The following AFG2A variants were observed in gnomAD, a reference collection of about 807,000 sequenced individuals.
AFG2A encodes the protein AAA ATPase AFG2A.
chr4:123,242,838 G>A, the AFG2A span, among the ~76,000 whole-genome samples: 3 of 152,026 alleles, frequency 2.0e-5, no homozygotes, highest in Admixed American at 6.6e-5. Flanking sequence ...GAAAATTTTT[G>A]CAATCTACCC....
At chr4:123,080,375 G>C in the AFG2A span, among the ~76,000 whole-genome samples, 1 of 152,168 alleles carries the variant, frequency 6.6e-6, no homozygotes, top group Non-Finnish European at 1.5e-5. Context: ...GCCCATTCTG[G>C]CATGCTGACC....
the AFG2A span, among the ~76,000 whole-genome samples, chr4:123,255,466 G>A: frequency 2.7e-5 from 4 of 150,246 alleles, no homozygotes; most frequent in African/African-American, 9.7e-5. Flanking sequence ...CTGCACTCCA[G>A]CCTGGGTGGC....
the AFG2A span, among the ~76,000 whole-genome samples, chr4:123,224,817 A>C: frequency 6.6e-6 from 1 of 152,340 alleles, no homozygotes; most frequent in African/African-American, 2.4e-5. Flanking sequence ...ACTAGTTTAC[A>C]GTCCCACCAA....
chr4:122,928,211 A>G, the AFG2A span, among the ~76,000 whole-genome samples: 1 of 152,096 alleles, frequency 6.6e-6, no homozygotes, highest in Non-Finnish European at 1.5e-5. Context: ...TTATAAAAAT[A>G]TTATTTTGGG....
At chr4:122,997,305 C>CT in the AFG2A span, among the ~76,000 whole-genome samples, 7 of 152,144 alleles carry the variant, frequency 4.6e-5, no homozygotes, top group African/African-American at 1.7e-4. Context: ...GTGCCCTGTA[C>CT]TTACTACCTC....
the AFG2A span, among the ~76,000 whole-genome samples, chr4:123,099,439 A>T: frequency 6.6e-6 from 1 of 151,810 alleles, no homozygotes; most frequent in East Asian, 1.9e-4. Context: ...GGCCAGTGTC[A>T]TGGAACATTT....
At chr4:123,260,202 A>G in the AFG2A span, 1 of 152,224 alleles carries the variant, frequency 6.6e-6, no homozygotes, top group Non-Finnish European at 1.5e-5. Context: ...TTTTATTGCA[A>G]TCTTATGAAT....
At chr4:123,204,506 T>C in the AFG2A span, among the ~76,000 whole-genome samples, 2 of 152,328 alleles carry the variant, frequency 1.3e-5, no homozygotes, top group South Asian at 4.1e-4. Context: ...TATTTCTTCT[T>C]TGGTGAAATG....
At chr4:123,281,588 G>T in the AFG2A span, among the ~76,000 whole-genome samples, 4 of 152,044 alleles carry the variant, frequency 2.6e-5, no homozygotes, top group South Asian at 8.3e-4. Flanking sequence ...GGATTATGTG[G>T]GTTGCTAATT....
chr4:123,146,672 T>A, the AFG2A span, among the ~76,000 whole-genome samples: 1 of 152,166 alleles, frequency 6.6e-6, no homozygotes, highest in African/African-American at 2.4e-5. Context: ...GAACACAGAT[T>A]TCCAGGTGCT....
the AFG2A span, among the ~76,000 whole-genome samples, chr4:122,999,264 C>T: frequency 5.3e-5 from 8 of 152,070 alleles, no homozygotes; most frequent in East Asian, 9.7e-4. Context: ...AGGTTGCCTG[C>T]TCACTCTGCT....
At chr4:123,040,115 G>A in the AFG2A span, among the ~76,000 whole-genome samples, 1 of 150,900 alleles carries the variant, frequency 6.6e-6, no homozygotes, top group African/African-American at 2.5e-5. Flanking sequence ...TTTCTGTAGG[G>A]TATACGTATC....
the AFG2A span, among the ~76,000 whole-genome samples, chr4:123,263,744 A>G: frequency 6.6e-6 from 1 of 152,222 alleles, no homozygotes; most frequent in Non-Finnish European, 1.5e-5. Context: ...AAAAGGGGAC[A>G]TCGTTACACT....
the AFG2A span, among the ~76,000 whole-genome samples, chr4:123,041,855 A>G: frequency 2.3e-3 from 353 of 152,288 alleles, 3 homozygotes; most frequent in African/African-American, 8.2e-3. Flanking sequence ...AAGATTAATC[A>G]TCTTGGGTTA....
the AFG2A span, among the ~76,000 whole-genome samples, chr4:123,030,400 C>CT: frequency 1.3e-5 from 2 of 152,030 alleles, no homozygotes; most frequent in African/African-American, 2.4e-5. Flanking sequence ...CATTTTTAGT[C>CT]TTTTTTTCAC....
the AFG2A span, among the ~76,000 whole-genome samples, chr4:123,071,032 AAAGT>A: frequency 2.6e-5 from 4 of 152,244 alleles, no homozygotes; most frequent in Non-Finnish European, 5.9e-5. Flanking sequence ...TGGCTGTCAG[AAAGT>A]AAGTTTGAAC....
the AFG2A span, among the ~76,000 whole-genome samples, chr4:123,283,349 GAA>G: frequency 1.0e-5 from 1 of 96,690 alleles, no homozygotes; most frequent in Non-Finnish European, 2.5e-5. Flanking sequence ...GACCCGGTAG[GAA>G]AAAAAAAAGA....
At chr4:123,082,825 G>T in the AFG2A span, among the ~76,000 whole-genome samples, 1 of 151,830 alleles carries the variant, frequency 6.6e-6, no homozygotes, top group Non-Finnish European at 1.5e-5. Flanking sequence ...CATTTATTTA[G>T]ATTTTCTTCA....
chr4:123,280,700 C>T, the AFG2A span, among the ~76,000 whole-genome samples: 21 of 152,296 alleles, frequency 1.4e-4, no homozygotes, highest in East Asian at 3.1e-3. Flanking sequence ...ATTTAAAGGA[C>T]GCTTCTGATT....
Sources: allele counts gnomAD v4.1 joint callset (sites outside exome capture counted in the v4.1 genomes callset), GRCh38; gene constraint gnomAD v4.1.1; transcripts MANE v1.5; gene names NCBI Gene and HGNC (gene_info 2026-07-23, HGNC 2026-07-21).